Variants in MBTPS1 observed in about 807,000 individuals in gnomAD.
The protein encoded by MBTPS1 is membrane-bound transcription factor site-1 protease.
A neutral mutation model predicts 127.8 loss-of-function variants in MBTPS1; 94 were observed. That is an observed-to-expected ratio of 0.74 (90% CI 0.62 to 0.87). The LOEUF is 0.87. Ranked by LOEUF, MBTPS1 falls within the 40% of genes least tolerant of loss-of-function variation. The pLI, the probability that MBTPS1 is intolerant of heterozygous loss-of-function variation, is 0.00. For missense variants in MBTPS1, 1,636 were observed against 1,353.2 expected (o/e 1.21, Z -3.28); for synonymous variants, 632 against 509.4 (o/e 1.24, Z -3.24).
At chr16:84,086,129 G>A (rs571771119) in intron 9 of MBTPS1, 3 of 152,370 alleles carry the variant, frequency 2.0e-5, no homozygotes, top group South Asian at 4.1e-4. Flanking sequence ...GACCATGGAT[G>A]CACATACTGG....
At chr16:84,108,940 C>T (rs2086361654) in intron 1 of MBTPS1, among the ~76,000 whole-genome samples, 2 of 152,152 alleles carry the variant, frequency 1.3e-5, no homozygotes, top group South Asian at 4.1e-4. Context: ...AAATGCTGGT[C>T]TGAATTTAAG....
At position 84,065,740 on chromosome 16, in the gene MBTPS1, G is replaced by A. The variant is rs542728817; in HGVS notation, c.2381C>T (p.Ala794Val). The A allele has an allele frequency of 1.6e-5, 25 of 1,611,104 alleles. No individual in the cohort carries two copies. In the African/African-American group the frequency reaches 2.3e-4, roughly 15 times the overall value. Reference protein sequence around the residue: ...DMYYASGCSIAKFPEDGVVIT... With the variant: ...DMYYASGCSIVKFPEDGVVIT... ...CACGACGCCATCTTCTGGAAACTTCGCGATGCTGCACCCTGACGCATAATA... is the reference window on the plus strand; with the variant it reads ...CACGACGCCATCTTCTGGAAACTTCACGATGCTGCACCCTGACGCATAATA... Residue 794 changes from alanine to valine, a missense_variant, in exon 18 of 23, where the codon GCG becomes GTG. Coordinates refer to ENST00000343411, the MANE Select transcript of MBTPS1 (RefSeq NM_003791.4).
Position 84,055,942 on chromosome 16 carries a change from G to A in MBTPS1, c.2962+63C>T. On this transcript the variant is annotated intron_variant, in intron 22 of 22. Coordinates refer to ENST00000343411, the MANE Select transcript of MBTPS1 (RefSeq NM_003791.4). ...TCTGGCCCGCCTCCTGGGGAGGGAG[G>A]GAGACTCCTTTGAACAAAATACAGG... 1.9e-6 allele frequency: 3 copies of A among 1,562,736 alleles called. No homozygotes were observed. In the South Asian group the frequency reaches 3.5e-5, roughly 18 times the overall value.
At chr16:84,074,136 A>G (rs2085815685) in intron 12 of MBTPS1, among the ~76,000 whole-genome samples, 1 of 152,220 alleles carries the variant, frequency 6.6e-6, no homozygotes, top group Non-Finnish European at 1.5e-5. Flanking sequence ...AAAAAGTAAA[A>G]TTGGTTTCAT....
intron 21 of MBTPS1, chr16:84,056,467 A>AG (rs538908637): frequency 1.8e-4 from 37 of 208,808 alleles, no homozygotes; most frequent in African/African-American, 8.0e-4. Context: ...GGAGCCTGTC[A>AG]GGGGGAGGAG....
intron 9 of MBTPS1, among the ~76,000 whole-genome samples, chr16:84,085,373 C>G (rs1567490362): frequency 1.3e-5 from 2 of 152,074 alleles, no homozygotes. Flanking sequence ...TCCAGACTAG[C>G]CTGGGCTACA....
intron 1 of MBTPS1, among the ~76,000 whole-genome samples, chr16:84,113,331 G>T (rs1302915274): frequency 6.6e-6 from 1 of 152,130 alleles, no homozygotes; most frequent in Non-Finnish European, 1.5e-5. Context: ...TCCATATAAA[G>T]GCATAACGTT....
At chr16:84,094,114 C>T (rs1396705855) in intron 4 of MBTPS1, among the ~76,000 whole-genome samples, 2 of 152,118 alleles carry the variant, frequency 1.3e-5, no homozygotes, top group Non-Finnish European at 2.9e-5. Flanking sequence ...CAGGATAGAA[C>T]CACCCCTTCC....
intron 10 of MBTPS1, among the ~76,000 whole-genome samples, chr16:84,083,153 A>C (rs1486837139): frequency 6.6e-6 from 1 of 152,218 alleles, no homozygotes; most frequent in Non-Finnish European, 1.5e-5. Flanking sequence ...AGGAGAAATG[A>C]ACCAGTATTT....
At chr16:84,058,745 T>G (rs574425628) in intron 21 of MBTPS1, among the ~76,000 whole-genome samples, 1 of 152,194 alleles carries the variant, frequency 6.6e-6, no homozygotes, top group African/African-American at 2.4e-5. Flanking sequence ...GCCGAGTTAG[T>G]GAGCTGGAGA....
chr16:84,087,473 C>CAAAAAAA lies in MBTPS1; in HGVS notation c.1032-20_1032-14dup. The CAAAAAAA allele has an allele frequency of 2.3e-5, 24 of 1,036,152 alleles. No individual in the cohort carries two copies. The highest frequency in any genetic ancestry group is 6.1e-5 in the South Asian group (4 of 66,072). 64.2% of individuals were successfully genotyped at this position (1,036,152 alleles called of 1,614,324 possible). ...GTTATTCAGAGTGCTATATTGAGAC[C>CAAAAAAA]AAAAAAAAAAAAAAAGAAAAGAAAA... On this transcript the variant is annotated splice_polypyrimidine_tract_variant and intron_variant, in intron 8 of 22. Coordinates refer to ENST00000343411, the MANE Select transcript of MBTPS1 (RefSeq NM_003791.4).
At chr16:84,062,487 T>A (rs2085627321) in intron 19 of MBTPS1, among the ~76,000 whole-genome samples, 1 of 152,160 alleles carries the variant, frequency 6.6e-6, no homozygotes, top group African/African-American at 2.4e-5. Flanking sequence ...TGTAGTCAAC[T>A]TCAGCCTGAA....
chr16:84,097,371 T>C (rs2086191224), intron 3 of MBTPS1, among the ~76,000 whole-genome samples: 1 of 152,188 alleles, frequency 6.6e-6, no homozygotes, highest in African/African-American at 2.4e-5. Flanking sequence ...GGGAGTATCA[T>C]CTCCATTTTA....
Position 84,054,352 on chromosome 16 carries a change from G to A in MBTPS1, c.*97C>T. The A allele has an allele frequency of 9.0e-7, 1 of 1,113,924 alleles. No individual in the cohort carries two copies. Among genetic ancestry groups the A allele is most frequent in the Non-Finnish European group, 1.2e-6 (1 of 807,528 alleles). 69.0% of individuals were successfully genotyped at this position (1,113,924 alleles called of 1,614,324 possible). A position where few individuals can be genotyped will look rare whatever the true frequency, so the allele number is the denominator to read the frequency against. On this transcript the variant is annotated 3_prime_UTR_variant, in exon 23 of 23. Coordinates refer to ENST00000343411, the MANE Select transcript of MBTPS1 (RefSeq NM_003791.4). ...TCTAACAAACCTGCAGCTGGAAACT[G>A]GATCCCTTTTAAACCAGCCGCCACC...
intron 10 of MBTPS1, 53 bp downstream of exon 10, chr16:84,084,930 G>C: frequency 1.3e-6 from 2 of 1,576,992 alleles, no homozygotes; most frequent in Admixed American, 1.8e-5. Flanking sequence ...TGCTGGCACC[G>C]AGTGCTCCTG....
At chr16:84,093,115 T>C in intron 6 of MBTPS1, 73 bp downstream of exon 6, 1 of 982,134 alleles carries the variant, frequency 1.0e-6, no homozygotes, top group East Asian at 2.4e-5. Flanking sequence ...CACAAGTGTG[T>C]ACAGTCCAGT....
chr16:84,111,676 C>G (rs1288754420), intron 1 of MBTPS1, among the ~76,000 whole-genome samples: 1 of 152,178 alleles, frequency 6.6e-6, no homozygotes, highest in African/African-American at 2.4e-5. Context: ...AGCCTCCAGA[C>G]GGAGACAACC....
At chr16:84,065,649 G>A in intron 18 of MBTPS1, 41 bp downstream of exon 18, 1 of 1,311,376 alleles carries the variant, frequency 7.6e-7, no homozygotes, top group Non-Finnish European at 1.1e-6. Flanking sequence ...AAGGGAGCGA[G>A]AGAAAGAAGA....
intron 1 of MBTPS1, among the ~76,000 whole-genome samples, chr16:84,104,914 A>G (rs1210492573): frequency 6.6e-6 from 1 of 150,506 alleles, no homozygotes; most frequent in Non-Finnish European, 1.5e-5. Context: ...CATATCTACT[A>G]AAAACCAACC....
Sources: allele counts gnomAD v4.1 joint callset (sites outside exome capture counted in the v4.1 genomes callset), GRCh38; gene constraint gnomAD v4.1.1; transcripts MANE v1.5; gene names NCBI Gene and HGNC (gene_info 2026-07-23, HGNC 2026-07-21).